The following HOOK3 variants were observed in gnomAD, a reference collection of about 807,000 sequenced individuals.
HOOK3 encodes the protein hook microtubule tethering protein 3.
A neutral mutation model predicts 116.3 loss-of-function variants in HOOK3; 24 were observed. The observed-to-expected ratio is 0.21, with a 90% CI of 0.15 to 0.29. HOOK3 has a LOEUF of 0.29. Ranked by LOEUF, HOOK3 falls within the 10% of genes least tolerant of loss-of-function variation. The pLI, the probability that HOOK3 is intolerant of heterozygous loss-of-function variation, is 1.00. For missense variants in HOOK3, 632 were observed against 830.2 expected (o/e 0.76, Z 2.93); for synonymous variants, 275 against 283.0 (o/e 0.97, Z 0.28).
intron 6 of HOOK3, among the ~76,000 whole-genome samples, 191 bp from the exon 7 acceptor site, chr8:42,956,903 G>A (rs1442360504): frequency 6.6e-6 from 1 of 152,068 alleles, no homozygotes; most frequent in Non-Finnish European, 1.5e-5. Flanking sequence ...TTTAAATGAA[G>A]GCATTATTCT....
At chr8:42,915,598 A>G (rs1807518207) in intron 2 of HOOK3, among the ~76,000 whole-genome samples, 1 of 151,810 alleles carries the variant, frequency 6.6e-6, no homozygotes, top group Non-Finnish European at 1.5e-5. Flanking sequence ...TGCCCAGCTA[A>G]TTTTTGTATT....
chr8:42,964,520 T>C, intron 9 of HOOK3, 46 bp downstream of exon 9: 1 of 1,579,766 alleles, frequency 6.3e-7, no homozygotes, highest in African/African-American at 1.4e-5. Flanking sequence ...ATTTGTTAGC[T>C]GTCATTTAAA....
chr8:42,918,139 A>T (rs1200228565), intron 2 of HOOK3, among the ~76,000 whole-genome samples: 1 of 152,198 alleles, frequency 6.6e-6, no homozygotes, highest in Non-Finnish European at 1.5e-5. Context: ...GGAGTTCGAG[A>T]CCAGCCTGGC....
intron 8 of HOOK3, among the ~76,000 whole-genome samples, chr8:42,959,975 T>C (rs897180941): frequency 5.9e-5 from 9 of 152,128 alleles, no homozygotes; most frequent in Non-Finnish European, 1.3e-4. Flanking sequence ...GTCATTGCAT[T>C]GGATGCATAT....
intron 11 of HOOK3, among the ~76,000 whole-genome samples, chr8:42,973,023 A>G (rs1327191684): frequency 1.3e-5 from 2 of 152,174 alleles, no homozygotes; most frequent in Admixed American, 1.3e-4. Flanking sequence ...ATTTCAGACT[A>G]CCTGGTTATC....
intron 11 of HOOK3, among the ~76,000 whole-genome samples, chr8:42,969,756 T>G (rs1808693848): frequency 6.6e-6 from 1 of 152,254 alleles, no homozygotes; most frequent in Non-Finnish European, 1.5e-5. Flanking sequence ...ATATATTTAC[T>G]GACCATATTT....
intron 11 of HOOK3, among the ~76,000 whole-genome samples, chr8:42,969,644 A>G (rs1345247737): frequency 6.6e-6 from 1 of 152,214 alleles, no homozygotes; most frequent in African/African-American, 2.4e-5. Flanking sequence ...TGAGACATGT[A>G]AGACCTTGTC....
chr8:43,000,772 G>A (rs1809364679), intron 16 of HOOK3: 1 of 153,902 alleles, frequency 6.5e-6, no homozygotes, highest in Non-Finnish European at 1.4e-5. Flanking sequence ...AGGCTGTGAG[G>A]TTTACATATG....
At chr8:42,989,858 G>A (rs1044916925) in intron 15 of HOOK3, among the ~76,000 whole-genome samples, 13 of 152,012 alleles carry the variant, frequency 8.6e-5, no homozygotes, top group African/African-American at 2.9e-4. Context: ...TCCTGTGCCT[G>A]TTATTTCACT....
chr8:42,951,319 C>T (rs570454693), intron 6 of HOOK3, among the ~76,000 whole-genome samples: 173 of 152,192 alleles, frequency 1.1e-3, no homozygotes, highest in Non-Finnish European at 2.2e-3. Context: ...TCCCCAGCCT[C>T]CCAAAGTGCT....
chr8:42,942,192 C>T (rs566057468), intron 4 of HOOK3, among the ~76,000 whole-genome samples: 34 of 152,204 alleles, frequency 2.2e-4, no homozygotes, highest in African/African-American at 8.2e-4. Context: ...TGGGAGGTTG[C>T]AGTGAGCCGA....
At chr8:42,976,126 A>G (rs964681986) in intron 13 of HOOK3, among the ~76,000 whole-genome samples, 1 of 151,926 alleles carries the variant, frequency 6.6e-6, no homozygotes, top group African/African-American at 2.4e-5. Flanking sequence ...TCTAATTCCT[A>G]CTTTGTTGTA....
At position 43,023,260 on chromosome 8, in the gene HOOK3, C is replaced by T. The variant is rs1718368394; in HGVS notation, c.*4762C>T. On this transcript the variant is annotated 3_prime_UTR_variant, in exon 22 of 22. Transcript: ENST00000307602. ...TCAGCCTGTATATTCCAGTAGTTCT[C>T]ACAGAAGAATGAAAATCCGTGCTGT... 5.9e-6 allele frequency: 1 copy of T among 168,914 alleles called. No homozygotes were observed. The highest frequency in any genetic ancestry group is 6.5e-5 in the Admixed American group (1 of 15,322). The allele number at this position is 168,914 out of a possible 1,614,324, so 10.5% of individuals were successfully genotyped here.
chr8:42,982,160 C>A (rs1424960194), intron 13 of HOOK3, among the ~76,000 whole-genome samples: 1 of 136,344 alleles, frequency 7.3e-6, no homozygotes, highest in African/African-American at 2.8e-5. Flanking sequence ...GAGGCTGAGA[C>A]AAAAGAATTG....
intron 4 of HOOK3, among the ~76,000 whole-genome samples, chr8:42,939,174 C>G (rs965247954): frequency 6.6e-6 from 1 of 152,236 alleles, no homozygotes; most frequent in South Asian, 2.1e-4. Context: ...ACCTTTCCCC[C>G]CTTTCTATTC....
intron 4 of HOOK3, among the ~76,000 whole-genome samples, chr8:42,939,472 G>A (rs558024731): frequency 1.8e-3 from 263 of 149,662 alleles, no homozygotes; most frequent in Non-Finnish European, 2.9e-3. Context: ...AGGGGCGGCC[G>A]GGCAGAGGCG....
chr8:43,013,352 T>G lies in HOOK3; in HGVS notation c.1968T>G (p.Ser656Arg). Residue 656 changes from serine to arginine, a missense_variant, in exon 21 of 22, where the codon AGT (serine) becomes AGG (arginine). By Grantham distance (110) the Ser-to-Arg change is moderately radical. Around this residue, in one of 3 missense-constraint regions of HOOK3, gnomAD observed 483 missense variants for 648.1 expected, o/e 0.75. Transcript: ENST00000307602. ...SLEKEYEKTK[S>R]QREMEEKYIV... Reference sequence around the variant, plus strand: ...AGAAAGAATATGAGAAAACAAAGAGTCAGAGAGAGATGGAAGAGAAATATA... The same window carrying G: ...AGAAAGAATATGAGAAAACAAAGAGGCAGAGAGAGATGGAAGAGAAATATA... 6.3e-7 allele frequency: 1 copy of G among 1,582,944 alleles called. No individual in the cohort carries two copies. The highest frequency in any genetic ancestry group is 8.6e-7 in the Non-Finnish European group (1 of 1,168,500).
At chr8:42,971,947 T>G (rs1483195002) in intron 11 of HOOK3, among the ~76,000 whole-genome samples, 1 of 152,182 alleles carries the variant, frequency 6.6e-6, no homozygotes, top group African/African-American at 2.4e-5. Context: ...TCACCCAAAG[T>G]GCTAGGCTTA....
intron 11 of HOOK3, among the ~76,000 whole-genome samples, chr8:42,969,968 TA>T (rs1808697826): frequency 1.3e-5 from 2 of 152,342 alleles, no homozygotes; most frequent in Middle Eastern, 3.4e-3. Flanking sequence ...AAAGTACTTT[TA>T]TGATTTGTAC....
Sources: allele counts gnomAD v4.1 joint callset (sites outside exome capture counted in the v4.1 genomes callset), GRCh38; gene constraint gnomAD v4.1.1; regional missense constraint gnomAD v4.1.1; transcripts MANE v1.5; gene names NCBI Gene and HGNC (gene_info 2026-07-23, HGNC 2026-07-21).